The following RANBP2 variants were observed in gnomAD, a reference collection of about 807,000 sequenced individuals.
RANBP2 encodes RAN binding protein 2, also known as E3 SUMO-protein ligase RanBP2.
RANBP2 carries 57 observed loss-of-function variants against 303.6 expected under a neutral mutation model. That is an observed-to-expected ratio of 0.19 (90% CI 0.15 to 0.23). The LOEUF is 0.23. Ranked by LOEUF, RANBP2 falls within the 10% of genes least tolerant of loss-of-function variation. The pLI is 1.00. For synonymous variants in RANBP2, 1,167 were observed against 1,301.5 expected, an observed-to-expected ratio of 0.90 and a Z score of 2.23; for missense variants, 3,138 against 3,780.8, an observed-to-expected ratio of 0.83 and a Z score of 4.46.
the RANBP2 span, among the ~76,000 whole-genome samples, chr2:109,622,748 G>T: frequency 6.6e-6 from 1 of 152,124 alleles, no homozygotes; most frequent in Non-Finnish European, 1.5e-5. Flanking sequence ...GAGATTAAAC[G>T]CCAGCGTAGA....
chr2:109,185,615 C>G, the RANBP2 span, among the ~76,000 whole-genome samples: 1 of 152,082 alleles, frequency 6.6e-6, no homozygotes, highest in South Asian at 2.1e-4. Flanking sequence ...GGCAGAGAAG[C>G]CGGAGCCAAG....
chr2:109,711,075 T>A, the RANBP2 span, among the ~76,000 whole-genome samples: 2 of 151,942 alleles, frequency 1.3e-5, no homozygotes, highest in African/African-American at 4.8e-5. Context: ...TGCGTAGGTC[T>A]GCTGAGTTCC....
the RANBP2 span, among the ~76,000 whole-genome samples, chr2:109,412,103 G>C: frequency 6.6e-6 from 1 of 152,224 alleles, no homozygotes; most frequent in Non-Finnish European, 1.5e-5. Flanking sequence ...TTGGACTCAC[G>C]CAGGGCAGTC....
the RANBP2 span, among the ~76,000 whole-genome samples, chr2:109,539,454 G>A: frequency 6.6e-6 from 1 of 151,988 alleles, no homozygotes; most frequent in South Asian, 2.1e-4. Context: ...GGCAACCACA[G>A]CTTCTTGTTT....
chr2:109,639,079 A>G, the RANBP2 span, among the ~76,000 whole-genome samples: 20 of 152,336 alleles, frequency 1.3e-4, no homozygotes, highest in African/African-American at 4.8e-4. Context: ...TTGTCATTGT[A>G]TATTCCTTTC....
the RANBP2 span, among the ~76,000 whole-genome samples, chr2:108,988,378 C>A: frequency 6.6e-6 from 1 of 152,150 alleles, no homozygotes; most frequent in African/African-American, 2.4e-5. Context: ...TTGAGAGGAA[C>A]CTCTTGGCTG....
the RANBP2 span, chr2:108,873,657 T>A: frequency 8.8e-7 from 1 of 1,136,954 alleles, no homozygotes; most frequent in East Asian, 2.6e-5. Context: ...AAACCAGGGG[T>A]TTTAATCTTT....
chr2:108,928,024 C>T, the RANBP2 span, among the ~76,000 whole-genome samples: 2 of 152,178 alleles, frequency 1.3e-5, no homozygotes. Context: ...CTGCCCACAG[C>T]ATCCCTGGCT....
the RANBP2 span, among the ~76,000 whole-genome samples, chr2:109,539,848 C>A: frequency 6.6e-6 from 1 of 152,312 alleles, no homozygotes; most frequent in South Asian, 2.1e-4. Flanking sequence ...ATGATTGGGA[C>A]TCATCTGTGG....
the RANBP2 span, among the ~76,000 whole-genome samples, chr2:109,318,468 C>T: frequency 0.27 from 41,261 of 152,078 alleles, 7,237 homozygotes; most frequent in African/African-American, 0.49. Context: ...TCTCGGCATA[C>T]GCGTTTATCT....
At chr2:109,458,433 C>T in the RANBP2 span, among the ~76,000 whole-genome samples, 7 of 152,088 alleles carry the variant, frequency 4.6e-5, no homozygotes, top group Non-Finnish European at 7.4e-5. Flanking sequence ...TTTAAGGTCA[C>T]CTTACAACTC....
At chr2:108,833,501 T>G in the RANBP2 span, among the ~76,000 whole-genome samples, 1 of 152,114 alleles carries the variant, frequency 6.6e-6, no homozygotes, top group Non-Finnish European at 1.5e-5. Context: ...AAGAAGACAA[T>G]GCCAGATGAA....
At chr2:108,752,806 A>C (rs1676006139) in intron 12 of RANBP2, among the ~76,000 whole-genome samples, 192 bp from the exon 13 acceptor site, 1 of 151,638 alleles carries the variant, frequency 6.6e-6, no homozygotes, top group South Asian at 2.1e-4. Context: ...AAAAAAAAAA[A>C]GTTGAGTGTA....
the RANBP2 span, chr2:109,617,630 A>G: frequency 6.0e-6 from 1 of 167,046 alleles, no homozygotes; most frequent in East Asian, 1.9e-4. Context: ...GAATGAACCC[A>G]TGTGTGAACT....
chr2:109,326,894 G>C, the RANBP2 span, among the ~76,000 whole-genome samples: 51 of 152,316 alleles, frequency 3.3e-4, no homozygotes, highest in African/African-American at 1.2e-3. Flanking sequence ...GAGAGCAGGG[G>C]CTCACACCTG....
chr2:109,404,484 G>A, the RANBP2 span, among the ~76,000 whole-genome samples: 6 of 152,198 alleles, frequency 3.9e-5, no homozygotes, highest in Admixed American at 3.9e-4. Context: ...GGGACAGAAA[G>A]ATGGGGGAGT....
At chr2:109,634,423 C>A in the RANBP2 span, among the ~76,000 whole-genome samples, 1 of 152,198 alleles carries the variant, frequency 6.6e-6, no homozygotes, top group Non-Finnish European at 1.5e-5. Flanking sequence ...TGAATCACAT[C>A]ACTGAGGGCC....
the RANBP2 span, among the ~76,000 whole-genome samples, chr2:109,563,347 T>G: frequency 6.6e-6 from 1 of 152,358 alleles, no homozygotes; most frequent in African/African-American, 2.4e-5. Flanking sequence ...ACAGCGGCAC[T>G]AATTTGATGC....
the RANBP2 span, among the ~76,000 whole-genome samples, chr2:109,019,094 G>A: frequency 2.6e-5 from 4 of 152,216 alleles, no homozygotes; most frequent in African/African-American, 7.2e-5. Flanking sequence ...GTGATGGTTT[G>A]TAGCCACAGA....
Sources: gnomAD v4.1 joint callset for allele counts (sites outside exome capture counted in the v4.1 genomes callset) on GRCh38, gnomAD v4.1.1 for gene constraint, MANE v1.5 for transcripts, NCBI Gene and HGNC (gene_info 2026-07-23, HGNC 2026-07-21) for gene names.